MIX23: variants seen among roughly 807,000 people sequenced by gnomAD.
MIX23 encodes protein MIX23.
A neutral mutation model predicts 21.6 loss-of-function variants in MIX23; 13 were observed. The ratio of observed to expected loss-of-function variants is 0.60; its 90% CI spans 0.39 to 0.96. The LOEUF (loss-of-function observed/expected upper bound fraction) is 0.96. Ranked by LOEUF, MIX23 falls within the 40% of genes least tolerant of loss-of-function variation. MIX23 has a pLI of 0.00. For missense variants in MIX23, 144 were observed against 171.2 expected (o/e 0.84, Z 0.89); for synonymous variants, 59 against 58.0 (o/e 1.02, Z -0.08).
In MIX23 at chr3:122,359,766, C is replaced by T. The variant is rs2075343163; in HGVS notation, c.*103G>A. On this transcript the variant is annotated 3_prime_UTR_variant, in exon 5 of 5. Coordinates refer to ENST00000291458, the MANE Select transcript of MIX23 (RefSeq NM_001017928.4). Reference sequence around the variant, plus strand: ...GGTCTTGGACTGTTGGCTCAGAAATCATCCTAGAAAGCCCGCCCTGTTGAT... The same window carrying T: ...GGTCTTGGACTGTTGGCTCAGAAATTATCCTAGAAAGCCCGCCCTGTTGAT... 8.4e-7 allele frequency: 1 copy of T among 1,195,900 alleles called. No homozygotes were observed. Among genetic ancestry groups the T allele is most frequent in the African/African-American group, 1.8e-5 (1 of 55,494 alleles). 74.1% of individuals were successfully genotyped at this position (1,195,900 alleles called of 1,614,324 possible). A position where few individuals can be genotyped will look rare whatever the true frequency, so the allele number is the denominator to read the frequency against.
At position 122,363,034 on chromosome 3, in the gene MIX23, GAAAAAAAA is replaced by G. The variant is rs753109777; in HGVS notation, c.325-15_325-8del. 2 of 1,109,086 alleles carry G rather than the reference GAAAAAAAA, an allele frequency of 1.8e-6. No individual in the cohort carries two copies. The highest frequency in any genetic ancestry group is 3.3e-5 in the African/African-American group (2 of 60,684). 68.7% of individuals were successfully genotyped at this position (1,109,086 alleles called of 1,614,324 possible). ...CTGACTGCATCCATTTCAACTGCAA[GAAAAAAAA>G]AAATTGAAGTTATAAAATTTAAAGA... On this transcript the variant is annotated splice_polypyrimidine_tract_variant and splice_region_variant and intron_variant, in intron 3 of 4. Coordinates refer to ENST00000291458, the MANE Select transcript of MIX23 (RefSeq NM_001017928.4).
intron 1 of MIX23, among the ~76,000 whole-genome samples, chr3:122,379,198 G>T (rs2075511366): frequency 6.6e-6 from 1 of 152,214 alleles, no homozygotes; most frequent in African/African-American, 2.4e-5. Context: ...TGATGAAGTA[G>T]TAGAGGCATG....
chr3:122,374,249 G>A (rs2075466097), intron 1 of MIX23, among the ~76,000 whole-genome samples: 1 of 151,910 alleles, frequency 6.6e-6, no homozygotes, highest in Admixed American at 6.6e-5. Flanking sequence ...AAAGCCCTCA[G>A]CAATATTTGT....
intron 1 of MIX23, among the ~76,000 whole-genome samples, chr3:122,380,133 G>A (rs578252524): frequency 2.2e-3 from 342 of 152,234 alleles, no homozygotes; most frequent in African/African-American, 7.8e-3. Context: ...ACATAGGGGT[G>A]AGGAGTAGGA....
At chr3:122,361,688 TC>T (rs2075360008) in intron 4 of MIX23, among the ~76,000 whole-genome samples, 1 of 152,044 alleles carries the variant, frequency 6.6e-6, no homozygotes, top group African/African-American at 2.4e-5. Flanking sequence ...CCCCATCCAA[TC>T]CCAAGAGTAA....
chr3:122,371,830 C>A, intron 1 of MIX23, 30 bp from the exon 2 acceptor site: 2 of 1,527,606 alleles, frequency 1.3e-6, no homozygotes, highest in Non-Finnish European at 8.9e-7. Context: ...AAGAATATAA[C>A]CCAAATGGAA....
At chr3:122,378,310 T>C (rs918755773) in intron 1 of MIX23, among the ~76,000 whole-genome samples, 1 of 152,220 alleles carries the variant, frequency 6.6e-6, no homozygotes, top group Non-Finnish European at 1.5e-5. Context: ...ATAAAACAAT[T>C]TGGACATACT....
At chr3:122,383,131 C>A (rs2075548556) in intron 1 of MIX23, 43 bp downstream of exon 1, 11 of 1,612,692 alleles carry the variant, frequency 6.8e-6, no homozygotes, top group Non-Finnish European at 9.3e-6. Flanking sequence ...GGTCTGGGGA[C>A]AAAAGGAGGC....
chr3:122,362,911 C>G, intron 4 of MIX23, 57 bp downstream of exon 4: 2 of 1,449,568 alleles, frequency 1.4e-6, no homozygotes, highest in Non-Finnish European at 1.9e-6. Flanking sequence ...CCTTGGTTTC[C>G]CTTTGCTAGT....
Position 122,368,267 on chromosome 3 carries a change from G to T in MIX23, c.233C>A (p.Thr78Asn), listed in dbSNP as rs759847350. ...TCGGAGGTTTTTTACTACTGCTGAAGTCTGGGCTATACAGTTTTTTATGAC... is the reference window on the plus strand; with the variant it reads ...TCGGAGGTTTTTTACTACTGCTGAATTCTGGGCTATACAGTTTTTTATGAC... ...DRVIKNCIAQTSAVVKNLREE... is the reference protein window; with the variant it reads ...DRVIKNCIAQNSAVVKNLREE... The change falls in exon 3 of 5, where the codon ACT becomes AAT. Residue 78 changes from threonine (T) to asparagine (N), a missense_variant. Physicochemically the swap from Thr to Asn is moderately conservative, Grantham distance 65. Transcript: ENST00000291458. The T allele has an allele frequency of 1.2e-6, 2 of 1,609,704 alleles. No individual in the cohort carries two copies. The highest frequency in any genetic ancestry group is 2.7e-5 in the African/African-American group (2 of 74,638).
At chr3:122,377,328 G>C (rs143999676) in intron 1 of MIX23, among the ~76,000 whole-genome samples, 23 of 152,340 alleles carry the variant, frequency 1.5e-4, no homozygotes, top group Admixed American at 5.9e-4. Context: ...AGAAAGTAGA[G>C]TATGCCAGTC....
chr3:122,365,673 T>C (rs912696147), intron 3 of MIX23: 1 of 152,198 alleles, frequency 6.6e-6, no homozygotes, highest in Non-Finnish European at 1.5e-5. Context: ...GAGCAAATTG[T>C]GTGTCACAAT....
chr3:122,376,166 C>CAAA (rs1158747986), intron 1 of MIX23, among the ~76,000 whole-genome samples: 9,501 of 64,176 alleles, frequency 0.15, 1,584 homozygotes, highest in East Asian at 0.32. Context: ...GACTCCGTCT[C>CAAA]AAAAAAAAAA....
chr3:122,360,383 A>C (rs990671169), intron 4 of MIX23, among the ~76,000 whole-genome samples: 8 of 152,226 alleles, frequency 5.3e-5, no homozygotes, highest in Non-Finnish European at 8.8e-5. Flanking sequence ...TGATTTAAAA[A>C]GATCTCCAAG....
At chr3:122,382,997 G>A in intron 1 of MIX23, 177 bp downstream of exon 1, 1 of 745,178 alleles carries the variant, frequency 1.3e-6, no homozygotes, top group Non-Finnish European at 2.4e-6. Flanking sequence ...TCCTCCTACA[G>A]AGCAGCCTCG....
intron 3 of MIX23, 35 bp downstream of exon 3, chr3:122,368,141 C>T: frequency 6.2e-7 from 1 of 1,604,570 alleles, no homozygotes; most frequent in African/African-American, 1.3e-5. Flanking sequence ...ATTGGAAAAA[C>T]TTTGCCTGAG....
intron 2 of MIX23, among the ~76,000 whole-genome samples, chr3:122,371,304 T>C (rs988517923): frequency 6.6e-5 from 10 of 152,248 alleles, no homozygotes; most frequent in Non-Finnish European, 1.5e-4. Flanking sequence ...AATTCTTCCT[T>C]GTACCAGCTG....
intron 2 of MIX23, among the ~76,000 whole-genome samples, chr3:122,370,071 A>T (rs1162435598): frequency 6.6e-6 from 1 of 152,176 alleles, no homozygotes. Flanking sequence ...TATACAAAAC[A>T]CTTAGTACTG....
intron 1 of MIX23, among the ~76,000 whole-genome samples, chr3:122,379,173 G>A (rs762993223): frequency 6.6e-6 from 1 of 152,156 alleles, no homozygotes; most frequent in African/African-American, 2.4e-5. Flanking sequence ...ACATTGTAGC[G>A]AAATAAAGTG....
Sources: gnomAD v4.1 joint callset for allele counts (sites outside exome capture counted in the v4.1 genomes callset) on GRCh38, gnomAD v4.1.1 for gene constraint, MANE v1.5 for transcripts, NCBI Gene and HGNC (gene_info 2026-07-23, HGNC 2026-07-21) for gene names.